The following RGS17 variants were observed in gnomAD, a reference collection of about 807,000 sequenced individuals.
RGS17 encodes the protein regulator of G-protein signaling 17.
A neutral mutation model predicts 25.5 loss-of-function variants in RGS17; 12 were observed. That is an observed-to-expected ratio of 0.47 (90% CI 0.30 to 0.76). The LOEUF is 0.76. Among genes scored for constraint, RGS17 ranks in the 30% least tolerant of loss-of-function variants. The pLI is 0.07. For synonymous variants in RGS17, 71 were observed against 76.9 expected (o/e 0.92, Z 0.40); for missense variants, 196 against 242.2 (o/e 0.81, Z 1.27).
intron 1 of RGS17, among the ~76,000 whole-genome samples, chr6:153,081,759 A>G (rs1452071400): frequency 6.6e-6 from 1 of 151,980 alleles, no homozygotes; most frequent in African/African-American, 2.4e-5. Flanking sequence ...TTTTGTTTTA[A>G]CCAATCAAGA....
At chr6:153,078,789 A>G (rs945700845) in intron 1 of RGS17, among the ~76,000 whole-genome samples, 7 of 152,028 alleles carry the variant, frequency 4.6e-5, no homozygotes, top group African/African-American at 1.4e-4. Flanking sequence ...TTATCTATAT[A>G]TATTTCAGAT....
At chr6:153,124,459 C>T (rs986865432) in intron 1 of RGS17, among the ~76,000 whole-genome samples, 7 of 152,080 alleles carry the variant, frequency 4.6e-5, no homozygotes, top group African/African-American at 1.7e-4. Context: ...CCCTTCAAGC[C>T]CTTATTGTTT....
intron 1 of RGS17, among the ~76,000 whole-genome samples, chr6:153,046,217 A>G (rs1225507716): frequency 7.8e-6 from 1 of 127,866 alleles, no homozygotes; most frequent in African/African-American, 3.2e-5. Context: ...AGGGATATGG[A>G]TACATTTTTT....
At chr6:153,099,473 A>T (rs1172796908) in intron 1 of RGS17, among the ~76,000 whole-genome samples, 1 of 152,186 alleles carries the variant, frequency 6.6e-6, no homozygotes, top group Non-Finnish European at 1.5e-5. Flanking sequence ...ATAATTAGAG[A>T]AGCATAAGTG....
chr6:153,122,796 TCTC>T (rs1334399249), intron 1 of RGS17, among the ~76,000 whole-genome samples: 1 of 151,994 alleles, frequency 6.6e-6, no homozygotes, highest in African/African-American at 2.4e-5. Flanking sequence ...GATGCTCCTT[TCTC>T]CTCAATTTAT....
intron 1 of RGS17, among the ~76,000 whole-genome samples, chr6:153,118,468 ATC>A (rs1777574164): frequency 6.6e-6 from 1 of 152,202 alleles, no homozygotes; most frequent in South Asian, 2.1e-4. Flanking sequence ...TCTTCTGAAG[ATC>A]TGTTTTCCTT....
Position 153,005,467 on chromosome 6 carries a change from A to G in RGS17, c.*6107T>C, listed in dbSNP as rs1279573693. The G allele has an allele frequency of 6.6e-6, 1 of 152,220 alleles. No homozygotes were observed. Among genetic ancestry groups the G allele is most frequent in the Non-Finnish European group, 1.5e-5 (1 of 68,032 alleles). 9.4% of individuals were successfully genotyped at this position (152,220 alleles called of 1,614,324 possible). ...AATCTCTTTAAAAACGCATTACTTT[A>G]CAGTGGAGAAATATAATAGATGCTA... On this transcript the variant is annotated 3_prime_UTR_variant, in exon 5 of 5. Transcript: ENST00000206262.
At chr6:153,027,677 G>GCC (rs2129107323) in intron 2 of RGS17, among the ~76,000 whole-genome samples, 1 of 152,254 alleles carries the variant, frequency 6.6e-6, no homozygotes, top group South Asian at 2.1e-4. Context: ...GTGAGGTGCA[G>GCC]ACCCGTCTGG....
intron 4 of RGS17, among the ~76,000 whole-genome samples, chr6:153,012,210 C>A (rs1224429585): frequency 6.6e-6 from 1 of 152,118 alleles, no homozygotes; most frequent in Non-Finnish European, 1.5e-5. Context: ...TATAAAATGC[C>A]AACTCCCCAC....
At chr6:153,086,511 G>A (rs779717955) in intron 1 of RGS17, among the ~76,000 whole-genome samples, 12 of 152,134 alleles carry the variant, frequency 7.9e-5, no homozygotes, top group Non-Finnish European at 1.3e-4. Context: ...TGAAGGAAAC[G>A]CTAAGTCCTA....
chr6:153,018,071 T>C (rs1239769181), intron 4 of RGS17, among the ~76,000 whole-genome samples: 2 of 152,168 alleles, frequency 1.3e-5, no homozygotes, highest in African/African-American at 4.8e-5. Context: ...TGTTTGAATT[T>C]CTCTCTTAGA....
At chr6:153,113,495 C>T (rs1328072837) in intron 1 of RGS17, among the ~76,000 whole-genome samples, 1 of 152,080 alleles carries the variant, frequency 6.6e-6, no homozygotes, top group African/African-American at 2.4e-5. Flanking sequence ...ACTTTAACAC[C>T]CCACTGTCAA....
At chr6:153,037,171 AACAC>A (rs61117365) in intron 2 of RGS17, among the ~76,000 whole-genome samples, 51,055 of 144,840 alleles carry the variant, frequency 0.35, 9,470 homozygotes, top group Middle Eastern at 0.41. Flanking sequence ...CTACCTTTAA[AACAC>A]ACACACACAC....
chr6:153,005,459 ATTACT>A lies in RGS17; in HGVS notation c.*6110_*6114del, dbSNP rs1416863819. ...TTCAATATAATCTCTTTAAAAACGC[ATTACT>A]TTACAGTGGAGAAATATAATAGATG... On this transcript the variant is annotated 3_prime_UTR_variant, in exon 5 of 5. Coordinates refer to ENST00000206262, the MANE Select transcript of RGS17 (RefSeq NM_012419.5). 2.0e-5 allele frequency: 3 copies of A among 152,326 alleles called. No homozygotes were observed. The East Asian group carries it at 5.8e-4, about 29-fold the overall frequency. The allele number at this position is 152,326 out of a possible 1,614,324, so 9.4% of individuals were successfully genotyped here.
intron 1 of RGS17, among the ~76,000 whole-genome samples, chr6:153,106,528 G>T: frequency 6.6e-6 from 1 of 151,038 alleles, no homozygotes; most frequent in African/African-American, 2.4e-5. Flanking sequence ...TTTTTTTTCA[G>T]GAAGGGAGAA....
At chr6:153,023,901 GGT>G (rs1779271554) in intron 4 of RGS17, among the ~76,000 whole-genome samples, 1 of 152,148 alleles carries the variant, frequency 6.6e-6, no homozygotes, top group Admixed American at 6.5e-5. Context: ...AAATGCTCCA[GGT>G]GATTCTCATT....
At chr6:153,054,430 A>G (rs1033205199) in intron 1 of RGS17, among the ~76,000 whole-genome samples, 2 of 151,598 alleles carry the variant, frequency 1.3e-5, no homozygotes, top group African/African-American at 4.8e-5. Flanking sequence ...TGAGCAGATC[A>G]CTTCAGGTCA....
intron 4 of RGS17, among the ~76,000 whole-genome samples, chr6:153,016,925 C>A (rs1285511953): frequency 1.3e-5 from 2 of 152,104 alleles, no homozygotes; most frequent in Admixed American, 1.3e-4. Context: ...GTCTGGATGG[C>A]TTCTAAAGCC....
chr6:153,071,615 T>C (rs1776803575), intron 1 of RGS17, among the ~76,000 whole-genome samples: 1 of 152,300 alleles, frequency 6.6e-6, no homozygotes, highest in South Asian at 2.1e-4. Context: ...ATAAAACTGC[T>C]GTGTCAAATT....
Sources: gnomAD v4.1 joint callset for allele counts (sites outside exome capture counted in the v4.1 genomes callset) on GRCh38, gnomAD v4.1.1 for gene constraint, MANE v1.5 for transcripts, NCBI Gene and HGNC (gene_info 2026-07-23, HGNC 2026-07-21) for gene names.